The following MAMLD1 variants were observed in gnomAD, a reference collection of about 807,000 sequenced individuals.
The protein encoded by MAMLD1 is mastermind like domain containing 1.
Under a neutral mutation model 45.0 loss-of-function variants are expected in MAMLD1, and 14 were observed. That is an observed-to-expected ratio of 0.31 (90% confidence interval 0.21 to 0.49). The LOEUF is 0.49. Ranked by LOEUF, MAMLD1 falls within the 20% of genes least tolerant of loss-of-function variation. MAMLD1 has a pLI of 0.99. For synonymous variants in MAMLD1, 254 were observed against 247.8 expected (o/e 1.02, Z -0.24); for missense variants, 543 against 603.6 (o/e 0.90, Z 1.05).
intron 1 of MAMLD1, among the ~76,000 whole-genome samples, chrX:150,366,953 TC>T (rs2031507623): frequency 9.2e-6 from 1 of 108,765 alleles, no homozygotes; most frequent in Non-Finnish European, 1.9e-5. Flanking sequence ...TTCCCCCCTT[TC>T]CCCCTTTAAA....
rs75150418 is a variant in MAMLD1, at chrX:150,402,471, C to G, written c.-64+38941C>G. On this transcript the variant is annotated intron_variant, in intron 1 of 7. Transcript: ENST00000370401. Reference sequence around the variant, plus strand: ...AAATAGGAACACTTTTACACTGTTGCTGGGACTGTAAACTCGTTCAACCAT... The same window carrying G: ...AAATAGGAACACTTTTACACTGTTGGTGGGACTGTAAACTCGTTCAACCAT... 3.2e-3 allele frequency among the ~76,000 whole-genome samples: 357 copies of G among 110,537 alleles called. 1 individual carries two copies. Among genetic ancestry groups the G allele is most frequent in the African/African-American group, 0.01 (310 of 30,141 alleles).
chrX:150,483,544 C>T (rs781939852), intron 5 of MAMLD1, among the ~76,000 whole-genome samples: 5 of 112,490 alleles, frequency 4.4e-5, no homozygotes, highest in African/African-American at 1.3e-4. Flanking sequence ...GCTTGGAGGC[C>T]GATGAACCCA....
intron 1 of MAMLD1, among the ~76,000 whole-genome samples, chrX:150,367,119 C>T (rs1446690720): frequency 9.2e-6 from 1 of 109,230 alleles, no homozygotes; most frequent in Admixed American, 9.7e-5. Context: ...TTAGGAGATA[C>T]AAGGAAATTC....
intron 2 of MAMLD1, among the ~76,000 whole-genome samples, chrX:150,448,877 A>G (rs1308905015): frequency 1.8e-5 from 2 of 111,850 alleles, no homozygotes; most frequent in East Asian, 5.6e-4. Flanking sequence ...GTCTCAGTCC[A>G]TACCCCACCA....
At position 150,436,304 on chromosome X, in the gene MAMLD1, C is replaced by T. The variant is rs2035122051; in HGVS notation, c.-63-9150C>T. On this transcript the variant is annotated intron_variant, in intron 1 of 7. Transcript: ENST00000370401. The stretch of plus-strand genomic sequence containing the variant: ...TGGGGAAATTCTTGTGGACAATATC[C>T]TGAAATATGTTTTCCAAATTGTTTG... Among the ~76,000 whole-genome samples the T allele has an allele frequency of 4.5e-5, 5 of 111,878 alleles. No homozygotes were observed. In the South Asian group the frequency reaches 1.9e-3, roughly 42 times the overall value.
chrX:150,470,571 C>T lies in MAMLD1; in HGVS notation c.998C>T (p.Pro333Leu), dbSNP rs782164378. 1 of 1,211,756 alleles carries T rather than the reference C, an allele frequency of 8.3e-7. No homozygotes were observed. The highest frequency in any genetic ancestry group is 3.0e-5 in the East Asian group (1 of 33,822). ...GPTPSWSGLP[P>L]PGLSPPYRPV... ...ACCCCCAGTTGGTCTGGTCTGCCTCCTCCAGGACTCTCTCCACCTTACCGC... is the reference window on the plus strand; with the variant it reads ...ACCCCCAGTTGGTCTGGTCTGCCTCTTCCAGGACTCTCTCCACCTTACCGC... Residue 333 changes from proline to leucine, a missense_variant, in exon 4 of 8, where the codon CCT (proline) becomes CTT (leucine). Pro to Leu is a moderately conservative substitution (Grantham distance 98). Coordinates refer to ENST00000370401, the MANE Select transcript of MAMLD1 (RefSeq NM_005491.5).
At chrX:150,421,702 CT>C (rs370971764) in intron 1 of MAMLD1, among the ~76,000 whole-genome samples, 258 of 112,518 alleles carry the variant, frequency 2.3e-3, no homozygotes, top group African/African-American at 7.8e-3. Context: ...TTTTCTGACA[CT>C]TTCTTTTTAG....
chrX:150,501,938 G>A (rs2037569178), intron 5 of MAMLD1, among the ~76,000 whole-genome samples: 1 of 112,298 alleles, frequency 8.9e-6, no homozygotes, highest in Admixed American at 9.4e-5. Context: ...CTAGTGGGCT[G>A]TATGATTTTG....
In MAMLD1 at chrX:150,512,855, C is replaced by A; in HGVS notation, c.*896C>A. 1 of 1,155,819 alleles carries A rather than the reference C, an allele frequency of 8.7e-7. No individual in the cohort carries two copies. Among genetic ancestry groups the A allele is most frequent in the Non-Finnish European group, 1.1e-6 (1 of 872,758 alleles). The stretch of plus-strand genomic sequence containing the variant: ...TGAGCTGCCACCTGCCGACTTTTTG[C>A]GCCAGCCCCAACCCCCACTAAATGA... On this transcript the variant is annotated 3_prime_UTR_variant, in exon 8 of 8. Coordinates refer to ENST00000370401, the MANE Select transcript of MAMLD1 (RefSeq NM_005491.5).
Position 150,470,037 on chromosome X carries a change from T to C in MAMLD1, c.464T>C (p.Leu155Pro). ...GTACCACAGACTACAGAAGTGGGAC[T>C]GAAAGGGCCCACTGTTCCTTACTAT... ...FVVPQTTEVG[L>P]KGPTVPYYEK... Residue 155 changes from leucine to proline, a missense_variant, in exon 4 of 8, where the codon CTG (leucine) becomes CCG (proline). Leu to Pro is a moderately conservative substitution (Grantham distance 98, BLOSUM62 -3). Transcript: ENST00000370401. 7 of 1,211,553 alleles carry C rather than the reference T, an allele frequency of 5.8e-6. No homozygotes were observed. The highest frequency in any genetic ancestry group is 7.8e-6 in the Non-Finnish European group (7 of 895,203).
At chrX:150,445,698 G>T (rs1252494730) in intron 2 of MAMLD1, 86 bp downstream of exon 2, 8 of 721,151 alleles carry the variant, frequency 1.1e-5, no homozygotes, top group Non-Finnish European at 1.7e-5. Context: ...GAAATTTTCT[G>T]TGCAAACTTG....
chrX:150,372,280 C>T (rs1210010158), intron 1 of MAMLD1, among the ~76,000 whole-genome samples: 2 of 111,996 alleles, frequency 1.8e-5, no homozygotes, highest in South Asian at 7.5e-4. Flanking sequence ...GTCTCGTTTT[C>T]GAGTTGCTGT....
At chrX:150,448,131 C>T (rs1438472487) in intron 2 of MAMLD1, among the ~76,000 whole-genome samples, 2 of 112,093 alleles carry the variant, frequency 1.8e-5, no homozygotes, top group East Asian at 5.6e-4. Context: ...AAGACTAGGG[C>T]TCAGAACACC....
At chrX:150,495,185 G>A (rs1206964330) in intron 5 of MAMLD1, among the ~76,000 whole-genome samples, 5 of 99,439 alleles carry the variant, frequency 5.0e-5, no homozygotes, top group East Asian at 6.4e-4. Context: ...CAGCCTGGGC[G>A]ACAGAGTGAG....
intron 1 of MAMLD1, among the ~76,000 whole-genome samples, chrX:150,377,194 G>GAGGCCT (rs1394054500): frequency 2.6e-5 from 3 of 113,358 alleles, no homozygotes; most frequent in South Asian, 3.5e-4. Context: ...CAGAGTCAGA[G>GAGGCCT]AGGCCTTGGC....
At chrX:150,439,148 G>T (rs1446257309) in intron 1 of MAMLD1, among the ~76,000 whole-genome samples, 3 of 111,411 alleles carry the variant, frequency 2.7e-5, no homozygotes, top group African/African-American at 9.8e-5. Context: ...ATCTTCTTTG[G>T]GAATAAATCT....
intron 2 of MAMLD1, among the ~76,000 whole-genome samples, chrX:150,446,854 C>T (rs1401786229): frequency 9.8e-5 from 11 of 112,695 alleles, no homozygotes; most frequent in Admixed American, 2.8e-4. Context: ...GATAATGCTC[C>T]CAGAGTCCGT....
Position 150,512,800 on chromosome X carries a change from A to C in MAMLD1, c.*841A>C, listed in dbSNP as rs1381278044. The C allele has an allele frequency of 8.7e-7, 1 of 1,153,943 alleles. No individual in the cohort carries two copies. Among genetic ancestry groups the C allele is most frequent in the Admixed American group, 2.6e-5 (1 of 38,546 alleles). ...CTGCCGTTGCTGCCAGCCAGTTCCC[A>C]GGTCCGTTCGACAGAACGGATATTC... On this transcript the variant is annotated 3_prime_UTR_variant, in exon 8 of 8. Transcript: ENST00000370401.
chrX:150,377,678 T>A (rs2032392107), intron 1 of MAMLD1, among the ~76,000 whole-genome samples: 1 of 111,562 alleles, frequency 9.0e-6, no homozygotes, highest in Non-Finnish European at 1.9e-5. Flanking sequence ...CTAACTCTTT[T>A]TTTAATTTAA....
Sources: allele counts gnomAD v4.1 joint callset (sites outside exome capture counted in the v4.1 genomes callset), GRCh38; gene constraint gnomAD v4.1.1; transcripts MANE v1.5; gene names NCBI Gene and HGNC (gene_info 2026-07-23, HGNC 2026-07-21).